The following ADCY2 variants were observed in gnomAD, a reference collection of about 807,000 sequenced individuals.
The protein encoded by ADCY2 is adenylate cyclase type 2.
ADCY2 carries 31 observed loss-of-function variants against 125.2 expected under a neutral mutation model. The observed-to-expected ratio is 0.25, with a 90% CI of 0.19 to 0.33. The LOEUF (loss-of-function observed/expected upper bound fraction) is 0.33. Among genes scored for constraint, ADCY2 ranks in the 10% least tolerant of loss-of-function variants. ADCY2 has a pLI of 1.00. For synonymous variants in ADCY2, 512 were observed against 548.4 expected (o/e 0.93, Z 0.93); for missense variants, 904 against 1,418.2 (o/e 0.64, Z 5.82).
chr5:7,431,936 T>C (rs1174821745), intron 2 of ADCY2, among the ~76,000 whole-genome samples: 1 of 151,866 alleles, frequency 6.6e-6, no homozygotes, highest in East Asian at 1.9e-4. Flanking sequence ...AGAACATACA[T>C]CCCTGTTTTC....
chr5:7,788,582 T>C (rs1744155842), intron 19 of ADCY2, among the ~76,000 whole-genome samples: 2 of 152,264 alleles, frequency 1.3e-5, no homozygotes, highest in Non-Finnish European at 2.9e-5. Flanking sequence ...GTTTTCCTAA[T>C]GTATGACAGA....
chr5:7,735,909 A>C (rs926664190), intron 14 of ADCY2, among the ~76,000 whole-genome samples: 3 of 152,186 alleles, frequency 2.0e-5, no homozygotes, highest in Non-Finnish European at 4.4e-5. Flanking sequence ...CTTCTTTCAA[A>C]GTTTTGGGCC....
At chr5:7,816,679 C>T (rs1037904942) in intron 22 of ADCY2, among the ~76,000 whole-genome samples, 187 bp from the exon 23 acceptor site, 1 of 152,242 alleles carries the variant, frequency 6.6e-6, no homozygotes, top group Non-Finnish European at 1.5e-5. Flanking sequence ...TAGCACCTAA[C>T]GTCTCCCCTT....
At chr5:7,569,588 G>C (rs1383647013) in intron 3 of ADCY2, among the ~76,000 whole-genome samples, 4 of 152,074 alleles carry the variant, frequency 2.6e-5, no homozygotes, top group Non-Finnish European at 5.9e-5. Context: ...CAGATAGTTA[G>C]CTCCCTAATT....
intron 2 of ADCY2, among the ~76,000 whole-genome samples, chr5:7,507,311 G>A (rs1357795122): frequency 1.4e-5 from 2 of 139,710 alleles, no homozygotes; most frequent in East Asian, 2.0e-4. Flanking sequence ...CGTAGTGGCG[G>A]GCGCCTGTAG....
chr5:7,462,632 TAA>T (rs1195144699), intron 2 of ADCY2, among the ~76,000 whole-genome samples: 1 of 152,222 alleles, frequency 6.6e-6, no homozygotes, highest in East Asian at 1.9e-4. Context: ...CAAAAATACC[TAA>T]AGATTTGGAA....
chr5:7,396,324 C>G lies in ADCY2; in HGVS notation c.28C>G (p.Arg10Gly). 3.4e-6 allele frequency: 5 copies of G among 1,484,582 alleles called. No homozygotes were observed. Among genetic ancestry groups the G allele is most frequent in the Non-Finnish European group, 4.5e-6 (5 of 1,116,082 alleles). The allele number at this position is 1,484,582 out of a possible 1,614,324, so 92.0% of individuals were successfully genotyped here. Residue 10 changes from arginine (R) to glycine (G), a missense_variant, in exon 1 of 25, where the codon CGC becomes GGC. Arg to Gly is a moderately radical substitution (Grantham distance 125). Around this residue, in one of 7 missense-constraint regions of ADCY2, gnomAD observed 113 missense variants for 108.0 expected, o/e 1.05. Transcript: ENST00000338316. This position sits in a 1 kb window ranked among gnomAD's most constrained non-coding sequence, Gnocchi z 5.7. Reference protein sequence around the residue: MWQEAMRRRRYLRDRSEEAA... With the variant: MWQEAMRRRGYLRDRSEEAA... ...GTGGCAGGAGGCGATGCGGCGCCGCCGCTACCTGCGGGACCGCTCCGAGGA... is the reference window on the plus strand; with the variant it reads ...GTGGCAGGAGGCGATGCGGCGCCGCGGCTACCTGCGGGACCGCTCCGAGGA...
At chr5:7,793,825 A>G (rs1164447167) in intron 20 of ADCY2, 1 of 152,302 alleles carries the variant, frequency 6.6e-6, no homozygotes, top group Non-Finnish European at 1.5e-5. Flanking sequence ...CTGTTCACCA[A>G]GCTTCCAGTT....
chr5:7,642,993 A>G (rs569459298), intron 4 of ADCY2, among the ~76,000 whole-genome samples: 2 of 152,150 alleles, frequency 1.3e-5, no homozygotes, highest in South Asian at 2.1e-4. Context: ...CCTACTAACA[A>G]AAAACACTCT....
chr5:7,824,959 C>A (rs533514552), intron 24 of ADCY2, among the ~76,000 whole-genome samples: 1 of 152,232 alleles, frequency 6.6e-6, no homozygotes, highest in Non-Finnish European at 1.5e-5. Context: ...TGACACGGCC[C>A]CCACCTTTGC....
At chr5:7,761,340 C>CTAAA (rs1270033608) in intron 16 of ADCY2, among the ~76,000 whole-genome samples, 2 of 151,718 alleles carry the variant, frequency 1.3e-5, no homozygotes, top group East Asian at 3.9e-4. Flanking sequence ...AGTAGAGATG[C>CTAAA]GGTTTCACCA....
At chr5:7,637,731 G>T (rs941644585) in intron 4 of ADCY2, among the ~76,000 whole-genome samples, 3 of 152,086 alleles carry the variant, frequency 2.0e-5, no homozygotes, top group South Asian at 2.1e-4. Context: ...GTTTTAGAAG[G>T]TATATTAAAG....
intron 23 of ADCY2, 98 bp downstream of exon 23, chr5:7,817,078 G>A: frequency 1.1e-6 from 1 of 885,266 alleles, no homozygotes; most frequent in Non-Finnish European, 1.8e-6. Flanking sequence ...TGTTGGAGTA[G>A]AACAATTACA....
intron 3 of ADCY2, among the ~76,000 whole-genome samples, chr5:7,579,319 AT>A (rs1227567904): frequency 6.6e-6 from 1 of 152,198 alleles, no homozygotes; most frequent in Admixed American, 6.5e-5. Context: ...GATGGATAAA[AT>A]TTTAAAAAGG....
chr5:7,828,495 A>G lies in ADCY2; in HGVS notation c.*1624A>G, dbSNP rs1305958555. On this transcript the variant is annotated 3_prime_UTR_variant, in exon 25 of 25. Coordinates refer to ENST00000338316, the MANE Select transcript of ADCY2 (RefSeq NM_020546.3). Reference sequence around the variant, plus strand: ...CCCGTGGTACATTCACAGCACGGGCACAGCTGCTGTGCCAGGACTGTGACT... The same window carrying G: ...CCCGTGGTACATTCACAGCACGGGCGCAGCTGCTGTGCCAGGACTGTGACT... The G allele has an allele frequency of 6.6e-6, 1 of 152,238 alleles. No individual in the cohort carries two copies. The highest frequency in any genetic ancestry group is 1.5e-5 in the Non-Finnish European group (1 of 68,038). The allele number at this position is 152,238 out of a possible 1,614,324, so 9.4% of individuals were successfully genotyped here.
intron 2 of ADCY2, among the ~76,000 whole-genome samples, chr5:7,477,815 C>T (rs566308094): frequency 1.2e-4 from 18 of 152,112 alleles, no homozygotes; most frequent in South Asian, 4.2e-4. Context: ...TCATCGTCGC[C>T]GTATCACTGC....
chr5:7,403,937 TACACACACAC>T (rs370540720), intron 1 of ADCY2, among the ~76,000 whole-genome samples: 183 of 140,544 alleles, frequency 1.3e-3, no homozygotes, highest in African/African-American at 3.4e-3. Context: ...CTTTCAATGC[TACACACACAC>T]ACACACACAC....
chr5:7,691,870 A>T (rs1454918405), intron 5 of ADCY2: 9 of 158,194 alleles, frequency 5.7e-5, no homozygotes, highest in Non-Finnish European at 1.1e-4. Flanking sequence ...GAAACTTATA[A>T]TCACGGCAGA....
intron 4 of ADCY2, among the ~76,000 whole-genome samples, chr5:7,638,099 C>T (rs190990828): frequency 6.6e-6 from 1 of 152,282 alleles, no homozygotes; most frequent in East Asian, 1.9e-4. Context: ...GCTGTGGACT[C>T]GGGCACCTGG....
Sources: allele counts gnomAD v4.1 joint callset (sites outside exome capture counted in the v4.1 genomes callset), GRCh38; gene constraint gnomAD v4.1.1; regional missense constraint gnomAD v4.1.1; non-coding constraint Gnocchi (gnomAD v3.1); transcripts MANE v1.5; gene names NCBI Gene and HGNC (gene_info 2026-07-23, HGNC 2026-07-21).